The following LRP1B variants were observed in gnomAD, a reference collection of about 807,000 sequenced individuals.
LRP1B encodes the protein LDL receptor related protein 1B.
In LRP1B, 217 loss-of-function variants were observed where a neutral mutation model predicts 556.6. That is an observed-to-expected ratio of 0.39 (90% CI 0.35 to 0.44). The LOEUF is 0.44. LRP1B is among the 20% of genes least tolerant of loss of function. LRP1B has a pLI of 1.00. For synonymous variants in LRP1B, 2,047 were observed against 1,865.8 expected (o/e 1.10, Z -2.50); for missense variants, 5,053 against 5,620.8 (o/e 0.90, Z 3.23).
At chr2:141,297,781 T>A (rs948948605) in intron 3 of LRP1B, among the ~76,000 whole-genome samples, 1 of 152,174 alleles carries the variant, frequency 6.6e-6, no homozygotes, top group African/African-American at 2.4e-5. Context: ...TAGTACTGGA[T>A]TTTTCCTGTA....
intron 2 of LRP1B, among the ~76,000 whole-genome samples, chr2:141,654,651 C>T (rs568973049): frequency 5.4e-4 from 82 of 152,156 alleles, no homozygotes; most frequent in African/African-American, 1.9e-3. Context: ...GCTCTTCTCT[C>T]GATCCACAGG....
intron 1 of LRP1B, among the ~76,000 whole-genome samples, chr2:142,126,374 T>A (rs151251551): frequency 0.031 from 4,635 of 151,856 alleles, 140 homozygotes; most frequent in Non-Finnish European, 0.038. Flanking sequence ...GTATTTTTAA[T>A]GGCGTTTGTG....
chr2:141,576,753 CAAAAA>C (rs72183984), intron 2 of LRP1B, among the ~76,000 whole-genome samples: 1 of 92,294 alleles, frequency 1.1e-5, no homozygotes, highest in Non-Finnish European at 2.0e-5. Flanking sequence ...GCCCCTGTCT[CAAAAA>C]AAAAAAAAAA....
At chr2:141,115,128 C>T (rs1700855502) in intron 7 of LRP1B, among the ~76,000 whole-genome samples, 1 of 144,630 alleles carries the variant, frequency 6.9e-6, no homozygotes. Context: ...GGATAATGTT[C>T]TTTGGTCTTT....
At position 140,525,938 on chromosome 2, in the gene LRP1B, T is replaced by A. The variant is rs1382882240; in HGVS notation, c.7932A>T (p.Ile2644=). ...YKLGVKTTGF[I]RCNSTSLCVL... is the part of the protein sequence containing the mutation. ...CACACAGTGAGGTAGAATTACATCT[T>A]ATGAACCCTGTGGTTTTCACTCCAA... The change falls in exon 49 of 91, where the codon ATA becomes ATT. Residue 2644 remains isoleucine (I), a synonymous_variant. Transcript: ENST00000389484. 3 of 1,612,444 alleles carry A rather than the reference T, an allele frequency of 1.9e-6. No individual in the cohort carries two copies. The highest frequency in any genetic ancestry group is 2.5e-6 in the Non-Finnish European group (3 of 1,178,908).
chr2:140,915,518 G>T (rs1694548505), intron 21 of LRP1B, among the ~76,000 whole-genome samples: 3 of 151,802 alleles, frequency 2.0e-5, no homozygotes, highest in Admixed American at 6.6e-5. Context: ...GTCAGGTGTG[G>T]TGATGCATGC....
intron 67 of LRP1B, among the ~76,000 whole-genome samples, chr2:140,379,858 A>G (rs1040788124): frequency 2.0e-5 from 3 of 152,160 alleles, no homozygotes; most frequent in African/African-American, 7.2e-5. Context: ...GAATGGGAAA[A>G]TGCCCTTAAG....
At chr2:141,571,116 C>T (rs777369184) in intron 2 of LRP1B, among the ~76,000 whole-genome samples, 1 of 151,274 alleles carries the variant, frequency 6.6e-6, no homozygotes, top group African/African-American at 2.4e-5. Context: ...GACGCTCCAA[C>T]AGGGGTTGTC....
intron 1 of LRP1B, among the ~76,000 whole-genome samples, chr2:142,074,752 CCAAA>C (rs1340050906): frequency 6.6e-6 from 1 of 152,018 alleles, no homozygotes; most frequent in South Asian, 2.1e-4. Flanking sequence ...CAGTAAGTTA[CCAAA>C]CAATGTTAAT....
At chr2:141,422,837 T>C (rs1432388981) in intron 3 of LRP1B, among the ~76,000 whole-genome samples, 2 of 152,326 alleles carry the variant, frequency 1.3e-5, no homozygotes, top group South Asian at 4.1e-4. Context: ...CTTGATATTA[T>C]AGAAAGTCTG....
At chr2:141,845,795 A>G (rs1231230460) in intron 1 of LRP1B, among the ~76,000 whole-genome samples, 1 of 152,016 alleles carries the variant, frequency 6.6e-6, no homozygotes, top group Admixed American at 6.6e-5. Flanking sequence ...ATATAAAAGA[A>G]ACATTATAAA....
intron 79 of LRP1B, among the ~76,000 whole-genome samples, chr2:140,333,512 T>C (rs559271033): frequency 5.3e-5 from 8 of 152,032 alleles, no homozygotes; most frequent in Admixed American, 2.0e-4. Context: ...ATTTCAAATA[T>C]TGCTTCTCCC....
chr2:140,389,639 C>A (rs1041118063), intron 66 of LRP1B, among the ~76,000 whole-genome samples: 1 of 148,434 alleles, frequency 6.7e-6, no homozygotes, highest in East Asian at 2.2e-4. Flanking sequence ...CTAAGAAATG[C>A]AGATACATAT....
intron 3 of LRP1B, among the ~76,000 whole-genome samples, chr2:141,409,017 G>A (rs945916926): frequency 1.3e-5 from 2 of 152,048 alleles, no homozygotes; most frequent in African/African-American, 4.8e-5. Context: ...ATTGAGTTTT[G>A]AAGTCAGACT....
intron 2 of LRP1B, among the ~76,000 whole-genome samples, chr2:141,657,270 G>A (rs1690047167): frequency 6.6e-6 from 1 of 152,022 alleles, no homozygotes; most frequent in Non-Finnish European, 1.5e-5. Context: ...CACACAACAA[G>A]ATAATGAATT....
intron 87 of LRP1B, among the ~76,000 whole-genome samples, chr2:140,242,307 T>C (rs994958275): frequency 1.3e-5 from 2 of 151,170 alleles, no homozygotes; most frequent in African/African-American, 4.8e-5. Context: ...CATGTTCTCA[T>C]AGCACTCTGT....
At chr2:140,633,147 T>C (rs554362637) in intron 41 of LRP1B, among the ~76,000 whole-genome samples, 1 of 148,380 alleles carries the variant, frequency 6.7e-6, no homozygotes, top group East Asian at 2.0e-4. Context: ...TGGAGAAAAA[T>C]ATACCATGCT....
intron 2 of LRP1B, among the ~76,000 whole-genome samples, chr2:141,785,613 T>C (rs1302239993): frequency 6.6e-6 from 1 of 150,956 alleles, no homozygotes; most frequent in Non-Finnish European, 1.5e-5. Context: ...ATGGTCAGAG[T>C]GTTAGCATGT....
intron 2 of LRP1B, among the ~76,000 whole-genome samples, chr2:141,631,811 A>C (rs1037892494): frequency 4.6e-5 from 7 of 152,212 alleles, no homozygotes; most frequent in African/African-American, 1.7e-4. Flanking sequence ...CAGTAAAGCC[A>C]ATTAGATCTT....
Sources: allele counts gnomAD v4.1 joint callset (sites outside exome capture counted in the v4.1 genomes callset), GRCh38; gene constraint gnomAD v4.1.1; transcripts MANE v1.5; gene names NCBI Gene and HGNC (gene_info 2026-07-23, HGNC 2026-07-21).